The following SF3B2 variants were observed in gnomAD, a reference collection of about 807,000 sequenced individuals.
SF3B2 encodes the protein splicing factor 3b subunit 2.
SF3B2 carries 22 observed loss-of-function variants against 116.3 expected under a neutral mutation model. The ratio of observed to expected loss-of-function variants is 0.19; its 90% CI spans 0.14 to 0.27. The LOEUF (loss-of-function observed/expected upper bound fraction) is 0.27, where lower values mean the gene tolerates loss of function less well. SF3B2 is among the 10% of genes least tolerant of loss of function. SF3B2 has a pLI of 1.00. For synonymous variants in SF3B2, 406 were observed against 421.6 expected (o/e 0.96, Z 0.45); for missense variants, 767 against 1,151.4 (o/e 0.67, Z 4.83).
Position 66,055,455 on chromosome 11 carries a change from G to A in SF3B2, c.499-80G>A. 13 of 1,599,440 alleles carry A rather than the reference G, an allele frequency of 8.1e-6. No individual in the cohort carries two copies. The South Asian group carries it at 1.4e-4, about 18-fold the overall frequency. ...TTGGAACATGGGCCCTTGACTGGAA[G>A]AGGATCTCAAGAAGCAAGAGTTGTG... On this transcript the variant is annotated intron_variant, in intron 4 of 21. Transcript: ENST00000322535.
rs747862764 is a variant in SF3B2, at chr11:66,063,100, A to G, written c.2069A>G (p.Asn690Ser). ...KPLYGDVFGT[N>S]AAEFQTKTEE... is the part of the protein sequence containing the mutation. Reference sequence around the variant, plus strand: ...CTCTATGGGGACGTGTTTGGAACCAATGCTGCTGAATTTCAGGTATGGGCC... The same window carrying G: ...CTCTATGGGGACGTGTTTGGAACCAGTGCTGCTGAATTTCAGGTATGGGCC... The change falls in exon 17 of 22, where the codon AAT (asparagine) becomes AGT (serine). Residue 690 changes from asparagine to serine, a missense_variant. Transcript: ENST00000322535. The G allele has an allele frequency of 9.3e-6, 15 of 1,613,230 alleles. No individual in the cohort carries two copies. Among genetic ancestry groups the G allele is most frequent in the Non-Finnish European group, 1.1e-5 (13 of 1,179,452 alleles).
chr11:66,057,266 T>C lies in SF3B2; in HGVS notation c.668T>C (p.Val223Ala), dbSNP rs372204235. 1.9e-6 allele frequency: 3 copies of C among 1,583,020 alleles called. No individual in the cohort carries two copies. In the East Asian group the frequency reaches 6.7e-5, roughly 35 times the overall value. ...IGVRTPLGPR[V>A]AAPVGPVGPT... ...TGGATTTCTTTTTCCCGTCTCTTAGTAGCTGCTCCAGTGGGCCCAGTGGGC... is the reference window on the plus strand; with the variant it reads ...TGGATTTCTTTTTCCCGTCTCTTAGCAGCTGCTCCAGTGGGCCCAGTGGGC... The change falls in exon 7 of 22, where the codon GTA becomes GCA. Residue 223 changes from valine to alanine, a missense_variant and splice_region_variant. Coordinates refer to ENST00000322535, the MANE Select transcript of SF3B2 (RefSeq NM_006842.3).
In SF3B2 at chr11:66,052,689, G is replaced by C; in HGVS notation, c.150G>C (p.Leu50=). 6.3e-7 allele frequency: 1 copy of C among 1,592,164 alleles called. No homozygotes were observed. The highest frequency in any genetic ancestry group is 2.2e-5 in the East Asian group (1 of 44,762). Residue 50 remains leucine, a synonymous_variant, in exon 2 of 22, where the codon CTG becomes CTC. Coordinates refer to ENST00000322535, the MANE Select transcript of SF3B2 (RefSeq NM_006842.3). ...GAPIQGNREE[L]VERLQSYTRQ... ...GCCCTGCAGGTAATCGCGAGGAGCTGGTGGAGCGGCTGCAGAGCTACACCC... is the reference window on the plus strand; with the variant it reads ...GCCCTGCAGGTAATCGCGAGGAGCTCGTGGAGCGGCTGCAGAGCTACACCC...
chr11:66,057,002 A>G (rs757143900), intron 6 of SF3B2, 47 bp downstream of exon 6: 1 of 1,369,476 alleles, frequency 7.3e-7, no homozygotes, highest in Non-Finnish European at 1.0e-6. Flanking sequence ...TGATTTAGAC[A>G]TTTTTAAAAA....
At chr11:66,052,628 T>C (rs752910709) in intron 1 of SF3B2, 45 bp from the exon 2 acceptor site, 1 of 1,592,564 alleles carries the variant, frequency 6.3e-7, no homozygotes, top group Admixed American at 1.8e-5. Context: ...GGGCCTGACC[T>C]GGCCGGGCTG....
chr11:66,059,322 G>A lies in SF3B2; in HGVS notation c.1304G>A (p.Ser435Asn). ...EEEHKDSDDDSSDDEQEKKPE... is the reference protein window; with the variant it reads ...EEEHKDSDDDNSDDEQEKKPE... ...GAGCACAAGGACAGTGATGATGACA[G>A]CAGTGATGACGAGCAGGTCAGGCCC... is the stretch of plus-strand genomic sequence containing the variant. The change falls in exon 11 of 22, where the codon AGC becomes AAC. Residue 435 changes from serine (S) to asparagine (N), a missense_variant. This residue lies in a region of SF3B2 where 282 missense variants were observed against 568.0 expected (regional missense o/e 0.50). Coordinates refer to ENST00000322535, the MANE Select transcript of SF3B2 (RefSeq NM_006842.3). The surrounding 1 kb of genome is among the most constrained non-coding windows in gnomAD (Gnocchi z 5.0). 3 of 1,613,980 alleles carry A rather than the reference G, an allele frequency of 1.9e-6. No individual in the cohort carries two copies. The highest frequency in any genetic ancestry group is 2.5e-6 in the Non-Finnish European group (3 of 1,179,958).
intron 5 of SF3B2, among the ~76,000 whole-genome samples, chr11:66,056,420 A>G (rs796437518): frequency 7.3e-5 from 11 of 151,658 alleles, no homozygotes; most frequent in African/African-American, 2.7e-4. Flanking sequence ...AAAAAAAAAA[A>G]AGCCACAAGT....
rs2135046597 is a variant in SF3B2 at position 66,059,289 on chromosome 11, T to C, written c.1271T>C (p.Phe424Ser). 3 of 1,613,488 alleles carry C rather than the reference T, an allele frequency of 1.9e-6. No homozygotes were observed. The highest frequency in any genetic ancestry group is 2.2e-5 in the East Asian group (1 of 44,826). Residue 424 changes from phenylalanine to serine, a missense_variant, in exon 11 of 22, where the codon TTT (phenylalanine) becomes TCT (serine). Coordinates refer to ENST00000322535, the MANE Select transcript of SF3B2 (RefSeq NM_006842.3). The surrounding 1 kb of genome is among the most constrained non-coding windows in gnomAD (Gnocchi z 5.0). ...TCTGCAGCCCCCAAGAAGAAGGGAT[T>C]TGAAGAGGAGCACAAGGACAGTGAT... ...ENSAAPKKKGFEEEHKDSDDD... is the reference protein window; with the variant it reads ...ENSAAPKKKGSEEEHKDSDDD...
Position 66,063,477 on chromosome 11 carries a change from A to G in SF3B2, c.2163A>G (p.Glu721=), listed in dbSNP as rs1046981257. 15 of 1,614,012 alleles carry G rather than the reference A, an allele frequency of 9.3e-6. No homozygotes were observed. In the Admixed American group the frequency reaches 1.0e-4, roughly 11 times the overall value. The part of the protein sequence containing the change: ...LEPSDEESSE[E]EEEEESDEDK... ...CATCTGATGAAGAATCCTCAGAAGA[A>G]GAGGAAGAGGAAGAAAGTGATGAAG... Residue 721 remains glutamate, a synonymous_variant, in exon 18 of 22, where the codon GAA becomes GAG. Transcript: ENST00000322535.
Position 66,068,658 on chromosome 11 carries a change from CT to C in SF3B2, c.2617-13del, listed in dbSNP as rs753528652. 15 of 1,613,508 alleles carry C rather than the reference CT, an allele frequency of 9.3e-6. No homozygotes were observed. The highest frequency in any genetic ancestry group is 1.3e-5 in the Non-Finnish European group (15 of 1,179,680). On this transcript the variant is annotated splice_polypyrimidine_tract_variant and intron_variant, in intron 21 of 21. Coordinates refer to ENST00000322535, the MANE Select transcript of SF3B2 (RefSeq NM_006842.3). Reference sequence around the variant, plus strand: ...GTTCAACCTGTCTTAACCTGTGTCTCTTTCTCCCTATACAGCAAAAAAAACG... The same window carrying C: ...GTTCAACCTGTCTTAACCTGTGTCTCTTCTCCCTATACAGCAAAAAAAACG...
intron 4 of SF3B2, 94 bp downstream of exon 4, chr11:66,055,409 T>G: frequency 6.3e-7 from 1 of 1,590,680 alleles, no homozygotes; most frequent in East Asian, 2.2e-5. Flanking sequence ...CTAAGGCTTC[T>G]GGGAAGGTCG....
chr11:66,061,872 T>C lies in SF3B2; in HGVS notation c.1870-19T>C, dbSNP rs749071053. The C allele has an allele frequency of 1.7e-5, 28 of 1,609,274 alleles. No individual in the cohort carries two copies. Among genetic ancestry groups the C allele is most frequent in the Admixed American group, 1.2e-4 (7 of 59,876 alleles). On this transcript the variant is annotated intron_variant, in intron 15 of 21. Transcript: ENST00000322535. ...GGATAGGGTTTGGCAGATGGTATCC[T>C]GTTCTCTTTTTCCTGCAGAATGCCC...
At chr11:66,068,368 G>A (rs1391760334) in intron 21 of SF3B2, 35 bp downstream of exon 21, 3 of 1,523,104 alleles carry the variant, frequency 2.0e-6, no homozygotes, top group South Asian at 2.6e-5. Context: ...CTGGGTGAGA[G>A]CCAGGGACCC....
At chr11:66,060,118 C>T in intron 13 of SF3B2, 109 bp downstream of exon 13, 1 of 950,908 alleles carries the variant, frequency 1.1e-6, no homozygotes, top group Non-Finnish European at 1.6e-6. Context: ...CTACTTGTTA[C>T]TTGTCTAATT....
Position 66,058,067 on chromosome 11 carries a change from C to T in SF3B2, c.791C>T (p.Ser264Phe). Residue 264 changes from serine (S) to phenylalanine (F), a missense_variant, in exon 8 of 22, where the codon TCT (serine) becomes TTT (phenylalanine). Transcript: ENST00000322535. ...TGTCTCTGGCAGATGGATGACCCCT[C>T]TGTGGGCCCCAAGATCCCCCAGGCT... ...GDENREMDDP[S>F]VGPKIPQALE... 1 of 1,610,184 alleles carries T rather than the reference C, an allele frequency of 6.2e-7. No individual in the cohort carries two copies. The highest frequency in any genetic ancestry group is 8.5e-7 in the Non-Finnish European group (1 of 1,178,242).
intron 3 of SF3B2, chr11:66,053,443 C>G: frequency 3.2e-6 from 1 of 310,754 alleles, no homozygotes; most frequent in South Asian, 3.6e-5. Context: ...CTTCGGGATG[C>G]TTAGATGGGA....
intron 13 of SF3B2, 136 bp from the exon 14 acceptor site, chr11:66,060,446 T>C (rs1857082064): frequency 9.8e-7 from 1 of 1,025,264 alleles, no homozygotes; most frequent in Non-Finnish European, 1.4e-6. Context: ...TGAAAGGTTT[T>C]AGCAGGAAGG....
In SF3B2 at chr11:66,059,299, G is replaced by C; in HGVS notation, c.1281G>C (p.Glu427Asp). Reference protein sequence around the residue: ...AAPKKKGFEEEHKDSDDDSSD... With the variant: ...AAPKKKGFEEDHKDSDDDSSD... ...CCAAGAAGAAGGGATTTGAAGAGGA[G>C]CACAAGGACAGTGATGATGACAGCA... The change falls in exon 11 of 22, where the codon GAG becomes GAC. Residue 427 changes from glutamate (E) to aspartate (D), a missense_variant. Around this residue, in one of 4 missense-constraint regions of SF3B2, gnomAD observed 282 missense variants for 568.0 expected, o/e 0.50. Coordinates refer to ENST00000322535, the MANE Select transcript of SF3B2 (RefSeq NM_006842.3). The surrounding 1 kb of genome is among the most constrained non-coding windows in gnomAD (Gnocchi z 5.0). The C allele has an allele frequency of 6.2e-7, 1 of 1,614,056 alleles. No homozygotes were observed. Among genetic ancestry groups the C allele is most frequent in the South Asian group, 1.1e-5 (1 of 91,062 alleles).
chr11:66,064,293 C>T (rs1053281669), intron 19 of SF3B2, among the ~76,000 whole-genome samples: 45 of 152,166 alleles, frequency 3.0e-4, no homozygotes, highest in African/African-American at 1.1e-3. Context: ...ATTTTATCTC[C>T]AGTGTTGGTT....
Sources: allele counts gnomAD v4.1 joint callset (sites outside exome capture counted in the v4.1 genomes callset), GRCh38; gene constraint gnomAD v4.1.1; regional missense constraint gnomAD v4.1.1; non-coding constraint Gnocchi (gnomAD v3.1); transcripts MANE v1.5; gene names NCBI Gene and HGNC (gene_info 2026-07-23, HGNC 2026-07-21).